Variants in MSRB3 observed in about 807,000 individuals in gnomAD.
MSRB3 encodes the protein methionine sulfoxide reductase B3.
Under a neutral mutation model 21.0 loss-of-function variants are expected in MSRB3, and 13 were observed. The observed-to-expected ratio is 0.62, with a 90% CI of 0.40 to 0.98. The LOEUF (loss-of-function observed/expected upper bound fraction) is 0.98. MSRB3 is among the 50% of genes least tolerant of loss of function. MSRB3 has a pLI of 0.00. For missense variants in MSRB3, 199 were observed against 230.3 expected (o/e 0.86, Z 0.88); for synonymous variants, 87 against 88.6 (o/e 0.98, Z 0.10).
chr12:65,422,980 GA>G (rs1314462252), intron 5 of MSRB3, among the ~76,000 whole-genome samples: 3 of 31,036 alleles, frequency 9.7e-5, no homozygotes, highest in Non-Finnish European at 1.6e-4. Context: ...TTTTTTTTTT[GA>G]GACAGAGTCT....
chr12:65,437,222 C>T (rs1326340138), intron 5 of MSRB3, among the ~76,000 whole-genome samples: 1 of 151,778 alleles, frequency 6.6e-6, no homozygotes. Context: ...TTGAATGTGA[C>T]AGATCATGGA....
intron 2 of MSRB3, among the ~76,000 whole-genome samples, chr12:65,324,036 T>C (rs1352042067): frequency 1.3e-5 from 2 of 152,172 alleles, no homozygotes; most frequent in Non-Finnish European, 2.9e-5. Flanking sequence ...GAATATAGTA[T>C]AACCAAAGAA....
At chr12:65,404,879 T>G (rs1880324924) in intron 5 of MSRB3, among the ~76,000 whole-genome samples, 1 of 152,166 alleles carries the variant, frequency 6.6e-6, no homozygotes, top group South Asian at 2.1e-4. Flanking sequence ...ATAACTGAAA[T>G]TTTGTATACT....
At position 65,388,132 on chromosome 12, in the gene MSRB3, A is replaced by G. The variant is rs144600453; in HGVS notation, c.292+19106A>G. Among the ~76,000 whole-genome samples the G allele has an allele frequency of 4.1e-3, 627 of 152,326 alleles. 5 individuals are homozygous for G. Among genetic ancestry groups the G allele is most frequent in the Non-Finnish European group, 6.3e-3 (428 of 68,016 alleles). On this transcript the variant is annotated intron_variant, in intron 5 of 6. Transcript: ENST00000308259. ...CCAGAAACATTAGTTCACATATTTA[A>G]CAAGTTTAAAAAAAAATGTTTTAAG...
At chr12:65,379,480 T>A (rs1309460749) in intron 5 of MSRB3, among the ~76,000 whole-genome samples, 1 of 152,062 alleles carries the variant, frequency 6.6e-6, no homozygotes, top group Admixed American at 6.6e-5. Context: ...GATCAAAATA[T>A]AGAACATTTC....
chr12:65,462,099 A>G (rs1565903039), intron 6 of MSRB3, among the ~76,000 whole-genome samples: 1 of 152,236 alleles, frequency 6.6e-6, no homozygotes, highest in Non-Finnish European at 1.5e-5. Flanking sequence ...TGCCTGGCAT[A>G]TAGCAGGCAC....
intron 4 of MSRB3, among the ~76,000 whole-genome samples, chr12:65,350,433 A>C (rs1224352694): frequency 1.3e-5 from 2 of 151,750 alleles, no homozygotes; most frequent in African/African-American, 4.9e-5. Context: ...CTAACATCAT[A>C]ATGACAGGAT....
intron 5 of MSRB3, among the ~76,000 whole-genome samples, chr12:65,393,905 T>C (rs768881515): frequency 5.3e-5 from 8 of 152,152 alleles, no homozygotes; most frequent in Non-Finnish European, 8.8e-5. Flanking sequence ...CTTGAGTATA[T>C]TGCTTTGTAA....
At chr12:65,461,218 C>A (rs1021264959) in intron 6 of MSRB3, among the ~76,000 whole-genome samples, 1 of 152,122 alleles carries the variant, frequency 6.6e-6, no homozygotes, top group Non-Finnish European at 1.5e-5. Flanking sequence ...TTGGACAGCA[C>A]CTTGACTATT....
intron 5 of MSRB3, among the ~76,000 whole-genome samples, chr12:65,384,729 T>C (rs920905252): frequency 2.6e-5 from 4 of 152,210 alleles, no homozygotes; most frequent in African/African-American, 9.6e-5. Context: ...TTTGTGATAT[T>C]CTTAAATACA....
chr12:65,348,369 G>C (rs575354281), intron 4 of MSRB3, among the ~76,000 whole-genome samples: 2 of 152,168 alleles, frequency 1.3e-5, no homozygotes, highest in Non-Finnish European at 2.9e-5. Context: ...TAGTTTATTT[G>C]CATAGAGGTG....
chr12:65,430,193 C>T (rs1301056264), intron 5 of MSRB3, among the ~76,000 whole-genome samples: 11 of 152,144 alleles, frequency 7.2e-5, no homozygotes. Flanking sequence ...TGCTGCTGTT[C>T]ACAACACTTC....
At chr12:65,350,544 A>C (rs1876894358) in intron 4 of MSRB3, among the ~76,000 whole-genome samples, 1 of 151,408 alleles carries the variant, frequency 6.6e-6, no homozygotes, top group East Asian at 1.9e-4. Context: ...AAGACCCATC[A>C]GTGTGCTGTA....
intron 4 of MSRB3, among the ~76,000 whole-genome samples, chr12:65,349,966 G>A (rs1271510065): frequency 2.4e-4 from 37 of 151,872 alleles, no homozygotes; most frequent in African/African-American, 8.9e-4. Context: ...TTGGTGTTTT[G>A]GACATGACGT....
At chr12:65,325,072 A>G (rs2136448092) in intron 2 of MSRB3, among the ~76,000 whole-genome samples, 1 of 152,276 alleles carries the variant, frequency 6.6e-6, no homozygotes, top group Non-Finnish European at 1.5e-5. Flanking sequence ...CAACAAACAC[A>G]TGAGAATAAA....
chr12:65,417,090 C>G (rs1881020592), intron 5 of MSRB3, among the ~76,000 whole-genome samples: 2 of 152,154 alleles, frequency 1.3e-5, no homozygotes, highest in Admixed American at 1.3e-4. Flanking sequence ...CTAGAAGACC[C>G]TCTTTACTAC....
intron 2 of MSRB3, among the ~76,000 whole-genome samples, chr12:65,311,313 A>G (rs909651257): frequency 1.3e-5 from 2 of 152,068 alleles, no homozygotes; most frequent in Admixed American, 6.6e-5. Flanking sequence ...TTGTAAACCC[A>G]TTTTAATTTG....
chr12:65,431,329 A>G (rs934565393), intron 5 of MSRB3, among the ~76,000 whole-genome samples: 3 of 151,998 alleles, frequency 2.0e-5, no homozygotes, highest in Non-Finnish European at 4.4e-5. Context: ...TAAACTTTTT[A>G]ACCTCCTCCT....
chr12:65,387,416 C>T (rs995625906), intron 5 of MSRB3, among the ~76,000 whole-genome samples: 3 of 151,876 alleles, frequency 2.0e-5, no homozygotes, highest in Non-Finnish European at 2.9e-5. Context: ...ATTTTCTTTG[C>T]CTATCTGATA....
Sources: allele counts gnomAD v4.1 joint callset (sites outside exome capture counted in the v4.1 genomes callset), GRCh38; gene constraint gnomAD v4.1.1; transcripts MANE v1.5; gene names NCBI Gene and HGNC (gene_info 2026-07-23, HGNC 2026-07-21).